Variants in SMIM35 observed in about 807,000 individuals in gnomAD.
The protein encoded by SMIM35 is small integral membrane protein 35, also known as TMPRSS4 antisense RNA 1 (non-protein coding).
chr11:118,031,214 A>C (rs1265420772), intron 1 of SMIM35, among the ~76,000 whole-genome samples: 1 of 152,188 alleles, frequency 6.6e-6, no homozygotes, highest in East Asian at 1.9e-4. Context: ...ATAGATATAG[A>C]AACGGACATA....
At chr11:118,084,451 T>C (rs1278608407) in intron 1 of SMIM35, among the ~76,000 whole-genome samples, 1 of 152,192 alleles carries the variant, frequency 6.6e-6, no homozygotes. Flanking sequence ...AAGCACTATT[T>C]ATAGGATCCT....
chr11:118,084,265 C>T (rs78081857), intron 1 of SMIM35, among the ~76,000 whole-genome samples: 2,545 of 152,272 alleles, frequency 0.017, 99 homozygotes, highest in East Asian at 0.16. Flanking sequence ...CAGGATTCCA[C>T]GGCCTGTGCT....
chr11:118,065,485 C>T (rs188226154), intron 1 of SMIM35, among the ~76,000 whole-genome samples: 66 of 152,322 alleles, frequency 4.3e-4, no homozygotes, highest in Middle Eastern at 3.4e-3. Flanking sequence ...CACCTTCCGT[C>T]GCTGGCCAAC....
chr11:118,084,266 G>A lies in SMIM35; in HGVS notation c.7+2485C>T, dbSNP rs569202235. On this transcript the variant is annotated intron_variant, in intron 1 of 4. Coordinates refer to ENST00000689828, the MANE Select transcript of SMIM35 (RefSeq NM_001394165.1). ...TCAGACCTAGGCTGCAGGATTCCAC[G>A]GCCTGTGCTCTGTGCACTGTAAAAC... Among the ~76,000 whole-genome samples, 94 of 152,172 alleles carry A rather than the reference G, an allele frequency of 6.2e-4. 1 individual carries two copies. The highest frequency in any genetic ancestry group is 2.0e-3 in the African/African-American group (84 of 41,518).
intron 1 of SMIM35, among the ~76,000 whole-genome samples, chr11:118,024,840 G>A (rs967929498): frequency 6.6e-6 from 1 of 152,134 alleles, no homozygotes; most frequent in Non-Finnish European, 1.5e-5. Context: ...GAATGATGCT[G>A]AGGTTTGGGA....
chr11:118,021,047 G>GTTTTTTTTTTTTTTTTTTTTTTTT (rs367714265), intron 1 of SMIM35, among the ~76,000 whole-genome samples: 2 of 140,758 alleles, frequency 1.4e-5, no homozygotes, highest in African/African-American at 5.2e-5. Flanking sequence ...ACAGGGTAAG[G>GTTTTTTTTTTTTTTTTTTTTTTTT]TTTTTTTTTT....
At chr11:118,076,785 C>A (rs1029159322) in intron 1 of SMIM35, among the ~76,000 whole-genome samples, 2 of 152,150 alleles carry the variant, frequency 1.3e-5, no homozygotes, top group African/African-American at 4.8e-5. Flanking sequence ...CAACCCCAAA[C>A]CAAAGCACCC....
rs1943953954 is a variant in SMIM35 at position 118,038,814 on chromosome 11, A to T, written c.8-23005T>A. On this transcript the variant is annotated intron_variant, in intron 1 of 4. Coordinates refer to ENST00000689828, the MANE Select transcript of SMIM35 (RefSeq NM_001394165.1). ...AGGAATCAGAAAAGAAAACAATAAT[A>T]ACATTTTAGGCAAAGCAAACAACAT... Among the ~76,000 whole-genome samples, 3 of 152,354 alleles carry T rather than the reference A, an allele frequency of 2.0e-5. No homozygotes were observed. In the South Asian group the frequency reaches 6.2e-4, roughly 32 times the overall value.
intron 1 of SMIM35, among the ~76,000 whole-genome samples, chr11:118,039,007 A>G (rs1943957656): frequency 6.6e-6 from 1 of 152,164 alleles, no homozygotes; most frequent in African/African-American, 2.4e-5. Flanking sequence ...AGCAGGAGAG[A>G]TAAACAGGGT....
intron 1 of SMIM35, among the ~76,000 whole-genome samples, chr11:118,082,703 A>G (rs985769314): frequency 4.6e-5 from 7 of 152,182 alleles, no homozygotes; most frequent in African/African-American, 1.7e-4. Context: ...TTCATACCCA[A>G]TGCTGCTCAG....
At position 118,080,747 on chromosome 11, in the gene SMIM35, C is replaced by T. The variant is rs912001424; in HGVS notation, c.7+6004G>A. Among the ~76,000 whole-genome samples, 5 of 152,194 alleles carry T rather than the reference C, an allele frequency of 3.3e-5. No homozygotes were observed. In the East Asian group the frequency reaches 5.8e-4, roughly 18 times the overall value. On this transcript the variant is annotated intron_variant, in intron 1 of 4. Coordinates refer to ENST00000689828, the MANE Select transcript of SMIM35 (RefSeq NM_001394165.1). ...ACCCAAAACAGAGCTGGGGAACTGCCGACAAGCTTCCCAAAGCCCCAGAAA... is the reference window on the plus strand; with the variant it reads ...ACCCAAAACAGAGCTGGGGAACTGCTGACAAGCTTCCCAAAGCCCCAGAAA...
At chr11:118,011,011 C>T (rs2058147294) in intron 4 of SMIM35, among the ~76,000 whole-genome samples, 2 of 152,206 alleles carry the variant, frequency 1.3e-5, no homozygotes, top group Admixed American at 1.3e-4. Context: ...GAGCCCTCAA[C>T]AGAAACACGC....
intron 1 of SMIM35, among the ~76,000 whole-genome samples, chr11:118,049,917 T>C (rs1283560015): frequency 1.4e-5 from 2 of 147,888 alleles, no homozygotes; most frequent in African/African-American, 5.0e-5. Context: ...GTCAGGGAGG[T>C]GTTGTGGAGA....
chr11:118,061,420 A>G (rs1460382838), intron 1 of SMIM35, among the ~76,000 whole-genome samples: 2 of 152,244 alleles, frequency 1.3e-5, no homozygotes, highest in Admixed American at 1.3e-4. Context: ...CTTTTATGCC[A>G]ATGTATTACA....
intron 1 of SMIM35, among the ~76,000 whole-genome samples, chr11:118,057,001 G>A (rs370985522): frequency 5.3e-5 from 8 of 152,282 alleles, no homozygotes; most frequent in African/African-American, 1.7e-4. Context: ...GGTGACAAAG[G>A]TTGGCCGCTC....
chr11:118,042,902 A>G (rs879867372), intron 1 of SMIM35, among the ~76,000 whole-genome samples: 1 of 152,244 alleles, frequency 6.6e-6, no homozygotes, highest in East Asian at 1.9e-4. Flanking sequence ...TTTAAATCAC[A>G]TGATGATCTC....
At chr11:118,065,996 A>G (rs917601288) in intron 1 of SMIM35, among the ~76,000 whole-genome samples, 1 of 152,074 alleles carries the variant, frequency 6.6e-6, no homozygotes, top group African/African-American at 2.4e-5. Flanking sequence ...CATCATGACC[A>G]TGACCCAGCC....
intron 1 of SMIM35, among the ~76,000 whole-genome samples, chr11:118,053,355 A>C (rs1033744914): frequency 2.3e-5 from 3 of 130,922 alleles, no homozygotes; most frequent in East Asian, 2.3e-4. Flanking sequence ...CACACACACA[A>C]AGCTTACTAG....
intron 1 of SMIM35, among the ~76,000 whole-genome samples, chr11:118,040,130 C>T (rs773500685): frequency 7.3e-5 from 11 of 151,280 alleles, no homozygotes; most frequent in Non-Finnish European, 1.3e-4. Flanking sequence ...GCACGAGAAT[C>T]GCTTAAACCC....
Sources: allele counts gnomAD v4.1 joint callset (sites outside exome capture counted in the v4.1 genomes callset), GRCh38; gene constraint gnomAD v4.1.1; transcripts MANE v1.5; gene names NCBI Gene and HGNC (gene_info 2026-07-23, HGNC 2026-07-21).